TRMT1L: variants seen among roughly 807,000 people sequenced by gnomAD.
The protein encoded by TRMT1L is tRNA methyltransferase 1L.
In TRMT1L, 28 loss-of-function variants were observed where a neutral mutation model predicts 81.6. The observed-to-expected ratio is 0.34, with a 90% confidence interval of 0.25 to 0.47. The LOEUF (loss-of-function observed/expected upper bound fraction) is 0.47. Ranked by LOEUF, TRMT1L falls within the 20% of genes least tolerant of loss-of-function variation. The pLI, the probability that TRMT1L is intolerant of heterozygous loss-of-function variation, is 1.00. For missense variants in TRMT1L, 739 were observed against 877.1 expected (o/e 0.84, Z 1.99); for synonymous variants, 301 against 303.2 (o/e 0.99, Z 0.07).
chr1:185,120,626 A>G (rs982546509), intron 13 of TRMT1L, 117 bp from the exon 14 acceptor site: 4 of 899,222 alleles, frequency 4.4e-6, no homozygotes, highest in Non-Finnish European at 5.9e-6. Context: ...CTGACTATCC[A>G]ATCTTAATTC....
At position 185,118,665 on chromosome 1, in the gene TRMT1L, C is replaced by G. The variant is rs529253209; in HGVS notation, c.*1354G>C. ...GCACTTCACCTATTTCTTGATTTTACCGAAATTTATGACCACATTAATTGG... is the reference window on the plus strand; with the variant it reads ...GCACTTCACCTATTTCTTGATTTTAGCGAAATTTATGACCACATTAATTGG... On this transcript the variant is annotated 3_prime_UTR_variant, in exon 15 of 15. Transcript: ENST00000367506. The G allele has an allele frequency of 6.6e-6, 1 of 152,050 alleles. No individual in the cohort carries two copies. Among genetic ancestry groups the G allele is most frequent in the African/African-American group, 2.4e-5 (1 of 41,490 alleles). 9.4% of individuals were successfully genotyped at this position (152,050 alleles called of 1,614,324 possible). A position where few individuals can be genotyped will look rare whatever the true frequency, so the allele number is the denominator to read the frequency against.
chr1:185,156,604 G>A lies in TRMT1L; in HGVS notation c.109C>T (p.Pro37Ser), dbSNP rs764360827. 39 of 1,599,082 alleles carry A rather than the reference G, an allele frequency of 2.4e-5. No homozygotes were observed. The East Asian group carries it at 8.5e-4, about 35-fold the overall frequency. Residue 37 changes from proline to serine, a missense_variant, in exon 1 of 15, where the codon CCG becomes TCG. Around this residue, in one of 4 missense-constraint regions of TRMT1L, gnomAD observed 209 missense variants for 165.4 expected, o/e 1.26. Transcript: ENST00000367506. Reference protein sequence around the residue: ...PARDSAGVPAPAPDSALDSAP... With the variant: ...PARDSAGVPASAPDSALDSAP... ...GAGTCCAGAGCCGAATCCGGGGCCG[G>A]AGCTGGGACCCCAGCCGAGTCCCGG...
intron 10 of TRMT1L, among the ~76,000 whole-genome samples, chr1:185,133,288 A>T (rs1240349717): frequency 6.6e-6 from 1 of 151,650 alleles, no homozygotes; most frequent in Admixed American, 6.6e-5. Flanking sequence ...CTGGTCTTGA[A>T]CTCCTGACCT....
At chr1:185,126,050 G>T (rs1268233562) in intron 11 of TRMT1L, among the ~76,000 whole-genome samples, 1 of 152,112 alleles carries the variant, frequency 6.6e-6, no homozygotes, top group African/African-American at 2.4e-5. Context: ...ATGAAATTCT[G>T]AGTATGATAA....
Position 185,140,051 on chromosome 1 carries a change from CCTT to C in TRMT1L, c.1028_1030del (p.Glu343del), listed in dbSNP as rs762103829. On this transcript the variant is annotated inframe_deletion, in exon 8 of 15. Transcript: ENST00000367506. Reference sequence around the variant, plus strand: ...CTTAATATTACCAAGATTTTTCTCTCCTTCTTCAAGAATATCATCACTCTTTTC... The same window carrying C: ...CTTAATATTACCAAGATTTTTCTCTCCTTCAAGAATATCATCACTCTTTTC... The C allele has an allele frequency of 3.7e-6, 6 of 1,613,610 alleles. No individual in the cohort carries two copies. The African/African-American group carries it at 8.0e-5, about 22-fold the overall frequency.
In TRMT1L at chr1:185,140,251, T is replaced by C. The variant is rs560123584; in HGVS notation, c.860-29A>G. The C allele has an allele frequency of 2.6e-6, 4 of 1,529,446 alleles. No individual in the cohort carries two copies. The South Asian group carries it at 4.9e-5, about 19-fold the overall frequency. The allele number at this position is 1,529,446 out of a possible 1,614,324, so 94.7% of individuals were successfully genotyped here. A position where few individuals can be genotyped will look rare whatever the true frequency, so the allele number is the denominator to read the frequency against. ...AGGAAAAATGGGAAGAAAATGAGTTTTATAATTGTAATAATTTTAAAGAAT... is the reference window on the plus strand; with the variant it reads ...AGGAAAAATGGGAAGAAAATGAGTTCTATAATTGTAATAATTTTAAAGAAT... On this transcript the variant is annotated intron_variant, in intron 7 of 14. Coordinates refer to ENST00000367506, the MANE Select transcript of TRMT1L (RefSeq NM_030934.5).
intron 3 of TRMT1L, among the ~76,000 whole-genome samples, chr1:185,147,500 C>A (rs185351573): frequency 6.6e-6 from 1 of 152,232 alleles, no homozygotes; most frequent in East Asian, 1.9e-4. Flanking sequence ...TCCGCCATGA[C>A]TATCTGTTTT....
intron 10 of TRMT1L, among the ~76,000 whole-genome samples, chr1:185,134,430 G>A (rs1357262965): frequency 5.9e-5 from 9 of 152,100 alleles, no homozygotes; most frequent in Non-Finnish European, 1.0e-4. Flanking sequence ...CAGGTGGTCC[G>A]TCCGCCTCAG....
In TRMT1L at chr1:185,137,941, A is replaced by G. The variant is rs1571349671; in HGVS notation, c.1323-145T>C. ...TCAATTCTCAGTAGCAGTGCTTTTA[A>G]AAGATCATTACTGTAACTTTTACAG... is the stretch of plus-strand genomic sequence containing the variant. On this transcript the variant is annotated intron_variant, in intron 9 of 14. Coordinates refer to ENST00000367506, the MANE Select transcript of TRMT1L (RefSeq NM_030934.5). 1.0e-5 allele frequency: 7 copies of G among 689,656 alleles called. No individual in the cohort carries two copies. The East Asian group carries it at 2.0e-4, about 20-fold the overall frequency. 42.7% of individuals were successfully genotyped at this position (689,656 alleles called of 1,614,324 possible).
intron 9 of TRMT1L, among the ~76,000 whole-genome samples, chr1:185,138,858 C>T (rs1484787392): frequency 6.6e-6 from 1 of 152,178 alleles, no homozygotes; most frequent in East Asian, 1.9e-4. Context: ...GCAACCTTGG[C>T]TCACTGCAGC....
At chr1:185,129,203 A>G (rs1299226710) in intron 10 of TRMT1L, among the ~76,000 whole-genome samples, 1 of 152,232 alleles carries the variant, frequency 6.6e-6, no homozygotes, top group African/African-American at 2.4e-5. Context: ...TTTATGTGCA[A>G]TAAAACATAT....
intron 1 of TRMT1L, among the ~76,000 whole-genome samples, chr1:185,153,179 T>C (rs1349082785): frequency 6.6e-6 from 1 of 152,184 alleles, no homozygotes; most frequent in Non-Finnish European, 1.5e-5. Context: ...TTCAGGTTTC[T>C]CAAGCATTAC....
chr1:185,125,157 T>C, intron 11 of TRMT1L, 47 bp from the exon 12 acceptor site: 1 of 1,439,366 alleles, frequency 6.9e-7, no homozygotes, highest in Non-Finnish European at 9.3e-7. Context: ...AAAATGTTTC[T>C]CTTTAAAAAG....
chr1:185,152,428 G>A (rs936177662), intron 1 of TRMT1L, among the ~76,000 whole-genome samples: 2 of 152,208 alleles, frequency 1.3e-5, no homozygotes, highest in African/African-American at 4.8e-5. Flanking sequence ...TGGTATGTTT[G>A]GGGGGATGGA....
intron 1 of TRMT1L, 99 bp downstream of exon 1, chr1:185,156,379 G>GCCCCATAA: frequency 5.0e-6 from 8 of 1,611,524 alleles, no homozygotes; most frequent in Non-Finnish European, 6.8e-6. Context: ...AACCTGCCTT[G>GCCCCATAA]CCCCATAAAA....
intron 5 of TRMT1L, among the ~76,000 whole-genome samples, chr1:185,145,081 A>G (rs549478153): frequency 6.6e-6 from 1 of 152,088 alleles, no homozygotes; most frequent in Admixed American, 6.5e-5. Context: ...ACTATGAATA[A>G]TAAGTCTTTA....
chr1:185,144,103 A>T (rs1475643420), intron 5 of TRMT1L, 74 bp from the exon 6 acceptor site: 4 of 1,368,760 alleles, frequency 2.9e-6, no homozygotes. Flanking sequence ...AAGAAAACAC[A>T]AAATAATTGT....
chr1:185,144,368 T>C (rs1251798705), intron 5 of TRMT1L, among the ~76,000 whole-genome samples: 1 of 151,990 alleles, frequency 6.6e-6, no homozygotes, highest in Non-Finnish European at 1.5e-5. Context: ...AATCCTAAAA[T>C]ACCTTTGTGG....
chr1:185,146,723 T>A (rs867794888), intron 4 of TRMT1L, among the ~76,000 whole-genome samples: 1 of 152,164 alleles, frequency 6.6e-6, no homozygotes, highest in African/African-American at 2.4e-5. Flanking sequence ...ACACATGTAT[T>A]TTTTAAAAAG....
Sources: gnomAD v4.1 joint callset for allele counts (sites outside exome capture counted in the v4.1 genomes callset) on GRCh38, gnomAD v4.1.1 for gene constraint, gnomAD v4.1.1 regional missense constraint, MANE v1.5 for transcripts, NCBI Gene and HGNC (gene_info 2026-07-23, HGNC 2026-07-21) for gene names.